The following SPAG16 variants were observed in gnomAD, a reference collection of about 807,000 sequenced individuals.
The protein encoded by SPAG16 is sperm-associated antigen 16 protein.
SPAG16 carries 86 observed loss-of-function variants against 80.4 expected under a neutral mutation model. That is an observed-to-expected ratio of 1.07 (90% CI 0.90 to 1.28). The LOEUF is 1.28. SPAG16 is among the 50% of genes most tolerant of loss of function. The pLI, the probability that SPAG16 is intolerant of heterozygous loss-of-function variation, is 0.00. For missense variants in SPAG16, 870 were observed against 765.3 expected (o/e 1.14, Z -1.61); for synonymous variants, 294 against 265.9 (o/e 1.11, Z -1.03).
chr2:213,890,922 A>G (rs1211616686), intron 11 of SPAG16, among the ~76,000 whole-genome samples: 2 of 152,052 alleles, frequency 1.3e-5, no homozygotes, highest in Non-Finnish European at 2.9e-5. Context: ...CTATGAGCAT[A>G]CAGCTTAGAA....
At chr2:213,915,134 T>A (rs2077892929) in intron 11 of SPAG16, among the ~76,000 whole-genome samples, 1 of 151,936 alleles carries the variant, frequency 6.6e-6, no homozygotes, top group Non-Finnish European at 1.5e-5. Flanking sequence ...CACCTCTTTT[T>A]TTTTTTTAAT....
intron 14 of SPAG16, among the ~76,000 whole-genome samples, chr2:214,141,838 A>C (rs1360270944): frequency 6.6e-6 from 1 of 152,096 alleles, no homozygotes; most frequent in Non-Finnish European, 1.5e-5. Flanking sequence ...CACATTTTTC[A>C]TTACACTCTG....
chr2:213,543,814 A>G (rs939859907), intron 10 of SPAG16, among the ~76,000 whole-genome samples: 1 of 152,084 alleles, frequency 6.6e-6, no homozygotes, highest in Non-Finnish European at 1.5e-5. Context: ...TTGATTAATC[A>G]TATTGACTTC....
chr2:214,073,360 C>A (rs1418186234), intron 13 of SPAG16, among the ~76,000 whole-genome samples: 1 of 151,810 alleles, frequency 6.6e-6, no homozygotes, highest in Non-Finnish European at 1.5e-5. Flanking sequence ...GCCTCAGCCT[C>A]CTGAGTAGCT....
chr2:213,814,602 C>A (rs759848788), intron 10 of SPAG16, among the ~76,000 whole-genome samples: 29 of 152,054 alleles, frequency 1.9e-4, no homozygotes, highest in Non-Finnish European at 3.8e-4. Flanking sequence ...ACAGCCTGGC[C>A]AACATAGTAA....
chr2:214,229,853 A>G (rs897587484), intron 15 of SPAG16, among the ~76,000 whole-genome samples: 1 of 151,942 alleles, frequency 6.6e-6, no homozygotes, highest in South Asian at 2.1e-4. Context: ...CAGTTTGTAT[A>G]GCATTATGAA....
At chr2:213,404,959 C>T (rs2068533243) in intron 9 of SPAG16, among the ~76,000 whole-genome samples, 1 of 152,160 alleles carries the variant, frequency 6.6e-6, no homozygotes, top group Admixed American at 6.5e-5. Context: ...AAAGCTTACT[C>T]TCCAAATTGC....
At chr2:213,883,023 A>T (rs1431947205) in intron 11 of SPAG16, among the ~76,000 whole-genome samples, 1 of 151,824 alleles carries the variant, frequency 6.6e-6, no homozygotes, top group Non-Finnish European at 1.5e-5. Flanking sequence ...CCACCACCAC[A>T]CCCGGCTAAT....
chr2:213,810,275 A>G (rs2072049128), intron 10 of SPAG16, among the ~76,000 whole-genome samples: 1 of 152,200 alleles, frequency 6.6e-6, no homozygotes, highest in African/African-American at 2.4e-5. Context: ...CTGGTTTAAG[A>G]GTATTGGATA....
At chr2:213,511,096 T>C (rs2075207350) in intron 10 of SPAG16, among the ~76,000 whole-genome samples, 1 of 152,164 alleles carries the variant, frequency 6.6e-6, no homozygotes, top group African/African-American at 2.4e-5. Context: ...AGTAAAATAT[T>C]AATATAAAGT....
Position 214,305,888 on chromosome 2 carries a change from GT to G in SPAG16, c.1721-104242del, listed in dbSNP as rs71037364. Among the ~76,000 whole-genome samples, 376 of 149,834 alleles carry G rather than the reference GT, an allele frequency of 2.5e-3. 2 individuals are homozygous for G. Among genetic ancestry groups the G allele is most frequent in the African/African-American group, 6.4e-3 (261 of 40,892 alleles). The stretch of plus-strand genomic sequence containing the variant: ...TTGGTTCTATCTGAATTTTAAAATA[GT>G]TTTTTTTTTCTAGTTCTTTGAAGAA... On this transcript the variant is annotated intron_variant, in intron 15 of 15. Transcript: ENST00000331683.
chr2:213,990,020 T>G (rs1428100140), intron 12 of SPAG16, among the ~76,000 whole-genome samples: 1 of 152,150 alleles, frequency 6.6e-6, no homozygotes, highest in East Asian at 1.9e-4. Context: ...ATATTATTCC[T>G]GAGTGATTTC....
intron 15 of SPAG16, among the ~76,000 whole-genome samples, chr2:214,313,799 T>G (rs1360432862): frequency 6.6e-6 from 1 of 152,138 alleles, no homozygotes; most frequent in Non-Finnish European, 1.5e-5. Context: ...CCATGAGCAC[T>G]GAATGGCAGC....
At position 213,717,994 on chromosome 2, in the gene SPAG16, A is replaced by T. The variant is rs1029414140; in HGVS notation, c.1071-144491A>T. Among the ~76,000 whole-genome samples the T allele has an allele frequency of 1.8e-4, 28 of 152,254 alleles. 1 individual carries two copies. Among genetic ancestry groups the T allele is most frequent in the African/African-American group, 6.7e-4 (28 of 41,550 alleles). On this transcript the variant is annotated intron_variant, in intron 10 of 15. Transcript: ENST00000331683. Reference sequence around the variant, plus strand: ...AATGGCAACAATGCCAAAATTGACAAATGGGATCTAATTAAACTAAATAGC... The same window carrying T: ...AATGGCAACAATGCCAAAATTGACATATGGGATCTAATTAAACTAAATAGC...
chr2:213,368,347 C>T (rs948242562), intron 8 of SPAG16, among the ~76,000 whole-genome samples: 6 of 151,960 alleles, frequency 3.9e-5, no homozygotes, highest in South Asian at 2.1e-4. Context: ...AGCTTGATGG[C>T]GATGGCATTG....
intron 9 of SPAG16, among the ~76,000 whole-genome samples, chr2:213,385,754 A>G (rs2067394827): frequency 1.3e-5 from 2 of 151,070 alleles, no homozygotes; most frequent in African/African-American, 2.4e-5. Context: ...AAGATTTAAG[A>G]TTTTTAAGTA....
At chr2:214,225,020 T>C (rs75620800) in intron 15 of SPAG16, among the ~76,000 whole-genome samples, 2,674 of 152,222 alleles carry the variant, frequency 0.018, 74 homozygotes, top group African/African-American at 0.061. Context: ...TCATTTTTAT[T>C]GAATAGTTGG....
At chr2:213,947,376 C>T (rs1575619379) in intron 12 of SPAG16, among the ~76,000 whole-genome samples, 1 of 152,062 alleles carries the variant, frequency 6.6e-6, no homozygotes, top group Non-Finnish European at 1.5e-5. Flanking sequence ...TATTTCTTAT[C>T]TTCTCTATTC....
At chr2:213,865,875 T>C (rs1315147049) in intron 11 of SPAG16, among the ~76,000 whole-genome samples, 2 of 148,016 alleles carry the variant, frequency 1.4e-5, no homozygotes, top group African/African-American at 2.4e-5. Flanking sequence ...AACAGTAATA[T>C]ACATAGCAAC....
Sources: gnomAD v4.1 joint callset for allele counts (sites outside exome capture counted in the v4.1 genomes callset) on GRCh38, gnomAD v4.1.1 for gene constraint, MANE v1.5 for transcripts, NCBI Gene and HGNC (gene_info 2026-07-23, HGNC 2026-07-21) for gene names.